Variants in ROBO2 observed in about 807,000 individuals in gnomAD.
ROBO2 encodes roundabout homolog 2.
Under a neutral mutation model 160.8 loss-of-function variants are expected in ROBO2, and 53 were observed. The observed-to-expected ratio is 0.33, with a 90% CI of 0.26 to 0.41. ROBO2 has a LOEUF of 0.41. ROBO2 is among the 10% of genes least tolerant of loss of function. The probability of loss-of-function intolerance (pLI) is 1.00; values close to 1 mark genes in which losing one functional copy is unlikely to be tolerated. For synonymous variants in ROBO2, 664 were observed against 611.7 expected (o/e 1.09, Z -1.26); for missense variants, 1,577 against 1,722.4 (o/e 0.92, Z 1.49).
chr3:76,408,863 G>T (rs1342844304), intron 2 of ROBO2, among the ~76,000 whole-genome samples: 1 of 151,918 alleles, frequency 6.6e-6, no homozygotes, highest in African/African-American at 2.4e-5. Flanking sequence ...TTGCTAATTT[G>T]CTAAGTCTGG....
At chr3:76,147,062 C>T (rs1053502146) in intron 2 of ROBO2, among the ~76,000 whole-genome samples, 1 of 151,058 alleles carries the variant, frequency 6.6e-6, no homozygotes, top group African/African-American at 2.4e-5. Context: ...CAGCAAACCC[C>T]AATGACATAA....
intron 1 of ROBO2, among the ~76,000 whole-genome samples, chr3:77,072,506 C>T (rs1423766026): frequency 6.6e-6 from 1 of 152,300 alleles, no homozygotes; most frequent in East Asian, 1.9e-4. Context: ...GTGCTGGACA[C>T]TATGCCAGGA....
At chr3:76,545,681 A>C (rs565511699) in intron 2 of ROBO2, among the ~76,000 whole-genome samples, 2 of 152,064 alleles carry the variant, frequency 1.3e-5, no homozygotes, top group South Asian at 4.1e-4. Flanking sequence ...ATAGAAAATG[A>C]TTTCAATTAT....
At position 77,317,361 on chromosome 3, in the gene ROBO2, G is replaced by T. The variant is rs2064113076; in HGVS notation, c.389-160053G>T. ...AAGCTGACCGTCCACGCTCATCTCG[G>T]TGCCTAGTGTATTGTCGGGGTTCCA... On this transcript the variant is annotated intron_variant, in intron 2 of 25. Coordinates refer to ENST00000461745, the Ensembl canonical transcript of ROBO2. The T allele has an allele frequency of 1.2e-5, 11 of 896,686 alleles. No individual in the cohort carries two copies. In the South Asian group the frequency reaches 1.3e-4, roughly 10 times the overall value. The allele number at this position is 896,686 out of a possible 1,614,324, so 55.5% of individuals were successfully genotyped here. A position where few individuals can be genotyped will look rare whatever the true frequency, so the allele number is the denominator to read the frequency against.
chr3:77,366,892 C>CA (rs2070967062), intron 2 of ROBO2, among the ~76,000 whole-genome samples: 2 of 115,864 alleles, frequency 1.7e-5, no homozygotes, highest in Non-Finnish European at 3.9e-5. Context: ...ACTCTCACAG[C>CA]ACCCCCCCGA....
chr3:76,830,715 G>A (rs1166834809), intron 2 of ROBO2, among the ~76,000 whole-genome samples: 1 of 149,558 alleles, frequency 6.7e-6, no homozygotes, highest in Non-Finnish European at 1.5e-5. Context: ...GGTGGCTCAC[G>A]CTTGTAATCC....
At chr3:76,135,696 G>C (rs2071403124) in intron 2 of ROBO2, among the ~76,000 whole-genome samples, 1 of 152,062 alleles carries the variant, frequency 6.6e-6, no homozygotes, top group South Asian at 2.1e-4. Context: ...TTAACATCTT[G>C]TCAGTAGCTG....
chr3:76,942,232 C>T (rs2078236492), intron 2 of ROBO2, among the ~76,000 whole-genome samples: 1 of 152,162 alleles, frequency 6.6e-6, no homozygotes, highest in African/African-American at 2.4e-5. Context: ...TTTTCCTTTT[C>T]ATCTTTCAAT....
chr3:77,302,288 A>G (rs2062731763), intron 2 of ROBO2, among the ~76,000 whole-genome samples: 2 of 152,056 alleles, frequency 1.3e-5, no homozygotes, highest in Admixed American at 6.6e-5. Context: ...AATCGTACCT[A>G]TCTCATAGGG....
chr3:76,658,251 T>C (rs189607613), intron 2 of ROBO2, among the ~76,000 whole-genome samples: 1 of 152,060 alleles, frequency 6.6e-6, no homozygotes, highest in East Asian at 1.9e-4. Flanking sequence ...TTCTTCCAGA[T>C]GATTTTTTCT....
At chr3:76,477,620 A>C (rs1027281163) in intron 2 of ROBO2, among the ~76,000 whole-genome samples, 1 of 152,138 alleles carries the variant, frequency 6.6e-6, no homozygotes, top group East Asian at 1.9e-4. Context: ...ATTTTTAAAA[A>C]AATTTTAAAA....
At chr3:77,176,712 A>T (rs1469317733) in intron 2 of ROBO2, among the ~76,000 whole-genome samples, 1 of 152,014 alleles carries the variant, frequency 6.6e-6, no homozygotes, top group Non-Finnish European at 1.5e-5. Context: ...TCCAAAATTT[A>T]CATTTTACAT....
chr3:77,395,982 T>C (rs1283579590), intron 2 of ROBO2, among the ~76,000 whole-genome samples: 2 of 151,966 alleles, frequency 1.3e-5, no homozygotes, highest in Non-Finnish European at 2.9e-5. Context: ...GAAATCGTTC[T>C]GCAATAACTT....
intron 17 of ROBO2, among the ~76,000 whole-genome samples, chr3:77,594,288 T>G (rs2153686996): frequency 6.6e-6 from 1 of 152,320 alleles, no homozygotes; most frequent in South Asian, 2.1e-4. Context: ...TCTGAATCAT[T>G]CTGGAGTCCA....
intron 2 of ROBO2, among the ~76,000 whole-genome samples, chr3:77,366,895 C>CCCCG (rs1553924947): frequency 8.6e-6 from 1 of 116,584 alleles, no homozygotes; most frequent in Non-Finnish European, 2.1e-5. Context: ...CTCACAGCAC[C>CCCCG]CCCCCGACAC....
chr3:77,023,497 A>G (rs1464283900), intron 2 of ROBO2, among the ~76,000 whole-genome samples: 4 of 152,258 alleles, frequency 2.6e-5, no homozygotes, highest in Non-Finnish European at 5.9e-5. Flanking sequence ...ATAAAAGTCA[A>G]GCAGGCTCCA....
chr3:77,596,785 T>A (rs763427560), intron 19 of ROBO2, 35 bp downstream of exon 20: 29 of 1,576,374 alleles, frequency 1.8e-5, no homozygotes, highest in Non-Finnish European at 2.5e-5. Flanking sequence ...GTTATTTGAG[T>A]TCTCTCTCTC....
At position 77,134,929 on chromosome 3, in the gene ROBO2, G is replaced by A. The variant is rs1379384603; in HGVS notation, c.388+36589G>A. ...GATTATGATAAATATGGTATCTGCC[G>A]TTCACTGCGCTCCCCGGGCCCACCC... On this transcript the variant is annotated intron_variant, in intron 2 of 25. Coordinates refer to ENST00000461745, the Ensembl canonical transcript of ROBO2. 2.6e-5 allele frequency among the ~76,000 whole-genome samples: 4 copies of A among 152,140 alleles called. No individual in the cohort carries two copies. The East Asian group carries it at 5.8e-4, about 22-fold the overall frequency.
At chr3:76,366,785 TA>T (rs2075833775) in intron 2 of ROBO2, among the ~76,000 whole-genome samples, 1 of 152,042 alleles carries the variant, frequency 6.6e-6, no homozygotes, top group South Asian at 2.1e-4. Context: ...TCTTCAAATG[TA>T]GTTATCATTA....
Sources: allele counts gnomAD v4.1 joint callset (sites outside exome capture counted in the v4.1 genomes callset), GRCh38; gene constraint gnomAD v4.1.1; transcripts MANE v1.5; gene names NCBI Gene and HGNC (gene_info 2026-07-23, HGNC 2026-07-21).